The following ST3GAL1 variants were observed in gnomAD, a reference collection of about 807,000 sequenced individuals.
ST3GAL1 encodes the protein CMP-N-acetylneuraminate-beta-galactosamide-alpha-2,3-sialyltransferase 1.
ST3GAL1 carries 16 observed loss-of-function variants against 34.1 expected under a neutral mutation model. The ratio of observed to expected loss-of-function variants is 0.47; its 90% CI spans 0.32 to 0.71. The LOEUF is 0.71. Ranked by LOEUF, ST3GAL1 falls within the 30% of genes least tolerant of loss-of-function variation. The pLI is 0.04. For synonymous variants in ST3GAL1, 191 were observed against 184.7 expected, an observed-to-expected ratio of 1.03 and a Z score of -0.28; for missense variants, 353 against 447.4, an observed-to-expected ratio of 0.79 and a Z score of 1.90.
chr8:133,525,062 G>A (rs114119975), intron 2 of ST3GAL1, among the ~76,000 whole-genome samples: 1,993 of 152,320 alleles, frequency 0.013, 46 homozygotes, highest in African/African-American at 0.045. Flanking sequence ...ACCATTCAGC[G>A]GGTCCTGAGT....
chr8:133,477,684 C>T (rs921139996), intron 3 of ST3GAL1, among the ~76,000 whole-genome samples: 9 of 152,094 alleles, frequency 5.9e-5, no homozygotes, highest in East Asian at 1.9e-4. Flanking sequence ...AAATGCCCAT[C>T]GGAGACCCCT....
intron 3 of ST3GAL1, among the ~76,000 whole-genome samples, chr8:133,481,274 T>G (rs1301456024): frequency 6.6e-6 from 1 of 152,218 alleles, no homozygotes; most frequent in Non-Finnish European, 1.5e-5. Context: ...TAACTGCAGC[T>G]GTGTTTCACT....
At chr8:133,544,616 C>G (rs950615479) in intron 2 of ST3GAL1, among the ~76,000 whole-genome samples, 18 of 152,154 alleles carry the variant, frequency 1.2e-4, no homozygotes, top group African/African-American at 4.3e-4. Flanking sequence ...TGCTTCTTCC[C>G]CTTTAGAGGA....
At chr8:133,472,267 G>A (rs1054972915) in intron 5 of ST3GAL1, among the ~76,000 whole-genome samples, 1 of 152,190 alleles carries the variant, frequency 6.6e-6, no homozygotes, top group Non-Finnish European at 1.5e-5. Context: ...AGCTGGAATT[G>A]TGATGCCCAC....
Position 133,459,556 on chromosome 8 carries a change from T to C in ST3GAL1, c.*208A>G, listed in dbSNP as rs1414264621. 2.0e-6 allele frequency: 1 copy of C among 508,126 alleles called. No individual in the cohort carries two copies. The highest frequency in any genetic ancestry group is 3.3e-6 in the Non-Finnish European group (1 of 300,490). 31.5% of individuals were successfully genotyped at this position (508,126 alleles called of 1,614,324 possible). On this transcript the variant is annotated 3_prime_UTR_variant, in exon 10 of 10. Coordinates refer to ENST00000522652, the MANE Select transcript of ST3GAL1 (RefSeq NM_173344.3). The surrounding 1 kb of genome is among the most constrained non-coding windows in gnomAD (Gnocchi z 4.7). ...GGACGTTGTCCCCACTCAAGACAGG[T>C]TCCAAGACATGCTCTGCCACGCTGG...
At chr8:133,515,437 G>A (rs887800349) in intron 2 of ST3GAL1, 2 of 152,330 alleles carry the variant, frequency 1.3e-5, no homozygotes, top group Admixed American at 1.3e-4. Flanking sequence ...ACGGCTTGAT[G>A]TTGTCCTCCG....
intron 3 of ST3GAL1, among the ~76,000 whole-genome samples, chr8:133,489,317 T>C (rs963808290): frequency 8.5e-5 from 13 of 152,068 alleles, no homozygotes; most frequent in African/African-American, 3.1e-4. Flanking sequence ...CAGCTGACAA[T>C]GTGGTCTAAG....
intron 1 of ST3GAL1, among the ~76,000 whole-genome samples, chr8:133,551,616 AAG>A (rs200211955): frequency 1.1e-3 from 155 of 135,084 alleles, no homozygotes; most frequent in Admixed American, 3.5e-3. Flanking sequence ...GAAAGAAAGA[AAG>A]AGCGAGCAAG....
intron 5 of ST3GAL1, among the ~76,000 whole-genome samples, chr8:133,473,255 T>G (rs566307609): frequency 6.6e-6 from 1 of 152,226 alleles, no homozygotes. Flanking sequence ...GTCTTGGTGA[T>G]ACTCTCTAAT....
intron 3 of ST3GAL1, among the ~76,000 whole-genome samples, chr8:133,491,833 G>A (rs7842258): frequency 6.6e-6 from 1 of 152,022 alleles, no homozygotes; most frequent in Non-Finnish European, 1.5e-5. Flanking sequence ...TGTCCAGTTG[G>A]ATCACAGGAT....
chr8:133,567,335 G>A (rs967058069), intron 1 of ST3GAL1: 3 of 152,204 alleles, frequency 2.0e-5, no homozygotes, highest in African/African-American at 7.2e-5. Flanking sequence ...AAGGTAATAA[G>A]TTCCCAGTAA....
chr8:133,470,249 GTC>G (rs1460647677), intron 5 of ST3GAL1, among the ~76,000 whole-genome samples: 3 of 152,104 alleles, frequency 2.0e-5, no homozygotes, highest in Non-Finnish European at 4.4e-5. Flanking sequence ...GAGAAACCCG[GTC>G]TCTACTAAAA....
intron 3 of ST3GAL1, among the ~76,000 whole-genome samples, chr8:133,493,572 C>T (rs972989856): frequency 1.3e-5 from 2 of 152,192 alleles, no homozygotes; most frequent in Admixed American, 6.5e-5. Context: ...CCTGACTGGG[C>T]GTGGTGGCTC....
chr8:133,460,220 A>T (rs1227410596), intron 9 of ST3GAL1, among the ~76,000 whole-genome samples: 2 of 152,182 alleles, frequency 1.3e-5, no homozygotes, highest in Admixed American at 6.5e-5. Context: ...CCTCTGCAGC[A>T]AGTGCAACCT....
intron 2 of ST3GAL1, among the ~76,000 whole-genome samples, chr8:133,510,945 A>G (rs534449642): frequency 5.1e-4 from 78 of 152,346 alleles, no homozygotes; most frequent in Admixed American, 5.1e-3. Flanking sequence ...CTAAGTCCTC[A>G]CACTGTATGA....
intron 1 of ST3GAL1, among the ~76,000 whole-genome samples, chr8:133,552,245 T>C (rs1234624645): frequency 2.6e-5 from 4 of 152,158 alleles, no homozygotes; most frequent in African/African-American, 9.7e-5. Flanking sequence ...TTAATCTAGA[T>C]TCCCATCCGG....
intron 2 of ST3GAL1, among the ~76,000 whole-genome samples, chr8:133,519,863 T>C (rs906238767): frequency 2.6e-5 from 4 of 152,110 alleles, no homozygotes; most frequent in Non-Finnish European, 5.9e-5. Context: ...GGCATAAGAA[T>C]TGCTTGAACC....
intron 2 of ST3GAL1, among the ~76,000 whole-genome samples, chr8:133,530,967 A>T (rs1818134598): frequency 6.6e-6 from 1 of 152,112 alleles, no homozygotes. Context: ...CCGGTGACAC[A>T]AAGAGGTGAG....
intron 2 of ST3GAL1, among the ~76,000 whole-genome samples, chr8:133,541,673 G>T (rs1050263317): frequency 6.6e-6 from 1 of 152,166 alleles, no homozygotes; most frequent in Non-Finnish European, 1.5e-5. Flanking sequence ...CCTGAGAGAG[G>T]TTTCTCCCTA....
Sources: gnomAD v4.1 joint callset for allele counts (sites outside exome capture counted in the v4.1 genomes callset) on GRCh38, gnomAD v4.1.1 for gene constraint, Gnocchi (gnomAD v3.1) non-coding constraint, MANE v1.5 for transcripts, NCBI Gene and HGNC (gene_info 2026-07-23, HGNC 2026-07-21) for gene names.